SLC5A12: variants seen among roughly 807,000 people sequenced by gnomAD.
SLC5A12 encodes the protein sodium-coupled monocarboxylate transporter 2.
SLC5A12 carries 46 observed loss-of-function variants against 72.7 expected under a neutral mutation model. The observed-to-expected ratio is 0.63, with a 90% CI of 0.50 to 0.81. The LOEUF (loss-of-function observed/expected upper bound fraction) is 0.81, where lower values mean the gene tolerates loss of function less well. Ranked by LOEUF, SLC5A12 falls within the 30% of genes least tolerant of loss-of-function variation. The pLI is 0.00. For synonymous variants in SLC5A12, 275 were observed against 264.4 expected, an observed-to-expected ratio of 1.04 and a Z score of -0.39; for missense variants, 683 against 740.7, an observed-to-expected ratio of 0.92 and a Z score of 0.90.
chr11:26,717,569 A>G (rs1431656864), intron 1 of SLC5A12, among the ~76,000 whole-genome samples: 1 of 152,214 alleles, frequency 6.6e-6, no homozygotes, highest in African/African-American at 2.4e-5. Context: ...GGTAGTGATA[A>G]AGTAGCACAG....
At chr11:26,719,400 C>G (rs769673849) in intron 1 of SLC5A12, among the ~76,000 whole-genome samples, 1 of 152,140 alleles carries the variant, frequency 6.6e-6, no homozygotes, top group Non-Finnish European at 1.5e-5. Flanking sequence ...GCCCTCAACT[C>G]CCTAAACATC....
intron 4 of SLC5A12, among the ~76,000 whole-genome samples, chr11:26,707,653 ATTCT>A (rs1340878965): frequency 1.3e-5 from 2 of 151,992 alleles, no homozygotes; most frequent in Non-Finnish European, 2.9e-5. Flanking sequence ...TTGAAATTAC[ATTCT>A]TTATTTATTT....
In SLC5A12 at chr11:26,697,196, AAGTCCTGGC is replaced by A; in HGVS notation, c.999_1007del (p.Pro334_Leu336del). On this transcript the variant is annotated inframe_deletion, in exon 8 of 15. Transcript: ENST00000396005. ...TTCCACTGAAGGCACAAGCCACAAA[AAGTCCTGGC>A]AGTCCTGGCATTGTGGCAAATATCT... 1 of 1,614,006 alleles carries A rather than the reference AAGTCCTGGC, an allele frequency of 6.2e-7. No homozygotes were observed. Among genetic ancestry groups the A allele is most frequent in the Non-Finnish European group, 8.5e-7 (1 of 1,179,940 alleles).
At position 26,681,218 on chromosome 11, in the gene SLC5A12, C is replaced by T. The variant is rs1244617890; in HGVS notation, c.1312G>A (p.Ala438Thr). 2 of 1,578,402 alleles carry T rather than the reference C, an allele frequency of 1.3e-6. No individual in the cohort carries two copies. Among genetic ancestry groups the T allele is most frequent in the African/African-American group, 1.4e-5 (1 of 73,352 alleles). ...ATTCCAGTAAGAAGACCTCCTAGTG[C>T]ACCCTGGATGAAGAAGAAAAAGGTT... ...IVFPFVNWKGALGGLLTGITL... is the reference protein window; with the variant it reads ...IVFPFVNWKGTLGGLLTGITL... The change falls in exon 12 of 15, where the codon GCA (alanine) becomes ACA (threonine). Residue 438 changes from alanine to threonine, a missense_variant. Ala to Thr is a moderately conservative substitution (Grantham distance 58). Coordinates refer to ENST00000396005, the MANE Select transcript of SLC5A12 (RefSeq NM_178498.4).
chr11:26,680,126 T>A (rs762109019), intron 12 of SLC5A12, among the ~76,000 whole-genome samples: 3 of 151,084 alleles, frequency 2.0e-5, no homozygotes, highest in Non-Finnish European at 4.4e-5. Flanking sequence ...AATGAGCCAG[T>A]ATGGGGAGAT....
chr11:26,710,370 G>T (rs185975250), intron 3 of SLC5A12, among the ~76,000 whole-genome samples: 1 of 152,096 alleles, frequency 6.6e-6, no homozygotes, highest in Non-Finnish European at 1.5e-5. Context: ...AATCCTTTGG[G>T]TGCATACCCA....
In SLC5A12 at chr11:26,669,175, C is replaced by CTTTCTTCT. The variant is rs1554988567; in HGVS notation, c.*1926_*1927insAGAAGAAA. 7.3e-6 allele frequency: 1 copy of CTTTCTTCT among 136,214 alleles called. No individual in the cohort carries two copies. 8.4% of individuals were successfully genotyped at this position (136,214 alleles called of 1,614,324 possible). ...TCTTCCTCTTCCTGTCTTTTTCTTT[C>CTTTCTTCT]TTTCTTTCTTCTTTTCTTTCTTTCT... On this transcript the variant is annotated 3_prime_UTR_variant, in exon 15 of 15. Coordinates refer to ENST00000396005, the MANE Select transcript of SLC5A12 (RefSeq NM_178498.4).
intron 10 of SLC5A12, among the ~76,000 whole-genome samples, chr11:26,686,236 C>A (rs1017520752): frequency 1.3e-4 from 20 of 152,160 alleles, no homozygotes; most frequent in Admixed American, 9.2e-4. Context: ...TTAATCGTTT[C>A]TCCTTCTGAA....
chr11:26,695,311 C>A (rs1014445887), intron 8 of SLC5A12, among the ~76,000 whole-genome samples: 3 of 152,006 alleles, frequency 2.0e-5, no homozygotes, highest in African/African-American at 7.2e-5. Flanking sequence ...TATTTCAAGT[C>A]AGCAGTGAAA....
intron 12 of SLC5A12, 56 bp downstream of exon 12, chr11:26,680,999 C>G: frequency 6.9e-7 from 1 of 1,451,182 alleles, no homozygotes. Context: ...GTGCACCTCC[C>G]TCTTACCAGG....
intron 9 of SLC5A12, among the ~76,000 whole-genome samples, chr11:26,686,920 G>A (rs1489380526): frequency 6.6e-6 from 1 of 152,172 alleles, no homozygotes; most frequent in Non-Finnish European, 1.5e-5. Flanking sequence ...GCAAGGAGCT[G>A]AAAAAGAAGC....
At chr11:26,678,618 C>T (rs993235745) in intron 13 of SLC5A12, 94 bp downstream of exon 13, 26 of 889,428 alleles carry the variant, frequency 2.9e-5, no homozygotes, top group East Asian at 7.4e-5. Context: ...TTGTGGGAAA[C>T]GTGAATTCAA....
rs907208825 is a variant in SLC5A12 at position 26,667,467 on chromosome 11, A to G, written c.*3635T>C. 11 of 151,984 alleles carry G rather than the reference A, an allele frequency of 7.2e-5. No homozygotes were observed. The highest frequency in any genetic ancestry group is 2.7e-4 in the African/African-American group (11 of 41,430). The allele number at this position is 151,984 out of a possible 1,614,324, so 9.4% of individuals were successfully genotyped here. A position where few individuals can be genotyped will look rare whatever the true frequency, so the allele number is the denominator to read the frequency against. On this transcript the variant is annotated 3_prime_UTR_variant, in exon 15 of 15. Coordinates refer to ENST00000396005, the MANE Select transcript of SLC5A12 (RefSeq NM_178498.4). ...TAGAATGAAATGGTGTAACCCTATA[A>G]AGCCACAAAATAGTAAAGTTCATTT...
rs1314094231 is a variant in SLC5A12 at position 26,721,810 on chromosome 11, G to C, written c.-96C>G. 1.9e-6 allele frequency: 2 copies of C among 1,043,146 alleles called. No homozygotes were observed. The highest frequency in any genetic ancestry group is 2.8e-6 in the Non-Finnish European group (2 of 704,086). 64.6% of individuals were successfully genotyped at this position (1,043,146 alleles called of 1,614,324 possible). On this transcript the variant is annotated 5_prime_UTR_variant, in exon 1 of 15. Coordinates refer to ENST00000396005, the MANE Select transcript of SLC5A12 (RefSeq NM_178498.4). ...TTCAGTACAGTGGATGCTTTGCTGA[G>C]AGGAGAGACTGTGATTCCCTGAAGA...
intron 9 of SLC5A12, among the ~76,000 whole-genome samples, chr11:26,690,323 C>T (rs1854636573): frequency 6.6e-6 from 1 of 151,824 alleles, no homozygotes; most frequent in Admixed American, 6.6e-5. Context: ...TTCTATCAGA[C>T]ATTTAAATAA....
chr11:26,671,514 C>T lies in SLC5A12; in HGVS notation c.1708-263G>A, dbSNP rs550115536. ...GTGTTGCATGAAGAAATTTATATAC[C>T]TCTCATTTAACCCAGCAATCCTGTG... On this transcript the variant is annotated intron_variant, in intron 14 of 14. Transcript: ENST00000396005. Among the ~76,000 whole-genome samples the T allele has an allele frequency of 2.0e-4, 30 of 152,096 alleles. No individual in the cohort carries two copies. In the East Asian group the frequency reaches 5.4e-3, roughly 27 times the overall value.
chr11:26,708,826 C>G (rs1855152202), intron 4 of SLC5A12, among the ~76,000 whole-genome samples: 1 of 151,950 alleles, frequency 6.6e-6, no homozygotes, highest in Admixed American at 6.6e-5. Flanking sequence ...AAATGTAATC[C>G]AGGCTTACCC....
chr11:26,718,815 C>T (rs1004000850), intron 1 of SLC5A12, among the ~76,000 whole-genome samples: 11 of 152,018 alleles, frequency 7.2e-5, no homozygotes, highest in Non-Finnish European at 1.3e-4. Context: ...AACTTGCATG[C>T]CATAATGCCA....
intron 6 of SLC5A12, among the ~76,000 whole-genome samples, chr11:26,699,974 T>C (rs1447064719): frequency 6.6e-6 from 1 of 152,234 alleles, no homozygotes; most frequent in Admixed American, 6.5e-5. Context: ...CTGCATTTTT[T>C]ACACTGTTTC....
Sources: allele counts gnomAD v4.1 joint callset (sites outside exome capture counted in the v4.1 genomes callset), GRCh38; gene constraint gnomAD v4.1.1; transcripts MANE v1.5; gene names NCBI Gene and HGNC (gene_info 2026-07-23, HGNC 2026-07-21).